CARNS1: variants seen among roughly 807,000 people sequenced by gnomAD.
CARNS1 encodes the protein carnosine synthase 1, also known as ATP-grasp domain containing 1.
A neutral mutation model predicts 74.0 loss-of-function variants in CARNS1; 61 were observed. The observed-to-expected ratio is 0.82, with a 90% CI of 0.67 to 1.02. The LOEUF (loss-of-function observed/expected upper bound fraction) is 1.02, where lower values mean the gene tolerates loss of function less well. CARNS1 is among the 50% of genes least tolerant of loss of function. CARNS1 has a pLI of 0.00. For missense variants in CARNS1, 1,278 were observed against 1,308.4 expected (o/e 0.98, Z 0.36); for synonymous variants, 568 against 605.5 (o/e 0.94, Z 0.91).
intron 1 of CARNS1, 178 bp from the exon 2 acceptor site, chr11:67,415,998 T>G (rs1590955863): frequency 1.7e-6 from 1 of 593,590 alleles, no homozygotes; most frequent in Non-Finnish European, 3.1e-6. Flanking sequence ...AGCCACTCGG[T>G]CTGGGCAGCA....
At chr11:67,418,696 G>A in intron 4 of CARNS1, 60 bp from the exon 5 acceptor site, 1 of 1,487,104 alleles carries the variant, frequency 6.7e-7, no homozygotes, top group Non-Finnish European at 9.0e-7. Context: ...CGCTACCCGG[G>A]GGCCCGGGCA....
At position 67,416,203 on chromosome 11, in the gene CARNS1, G is replaced by C. The variant is rs1276465982; in HGVS notation, c.3+1G>C. Reference sequence around the variant, plus strand: ...TCTCAGCCACTCCACCCACGAGATGGTGAGTCTTCTGTGGTCCCTCCCCCA... The same window carrying C: ...TCTCAGCCACTCCACCCACGAGATGCTGAGTCTTCTGTGGTCCCTCCCCCA... On this transcript the variant is annotated splice_donor_variant, in intron 2 of 9. Coordinates refer to ENST00000687366, the MANE Select transcript of CARNS1 (RefSeq NM_001166222.2). LOFTEE classifies it high-confidence loss of function. The C allele has an allele frequency of 6.5e-7, 1 of 1,536,174 alleles. No individual in the cohort carries two copies. The highest frequency in any genetic ancestry group is 2.4e-5 in the East Asian group (1 of 40,924).
rs1286089804 is a variant in CARNS1, at chr11:67,417,519, C to G, written c.116C>G (p.Pro39Arg). ...GSGLPPTGCF[P>R]GSWRQDVGLD... ...GGCCTGCCGCCCACAGGCTGCTTCC[C>G]TGGCTCCTGGCGCCAGGACGTGGGC... The change falls in exon 3 of 10, where the codon CCT becomes CGT. Residue 39 changes from proline to arginine, a missense_variant. This residue lies in a region of CARNS1 where 104 missense variants were observed against 127.3 expected (regional missense o/e 0.82). Coordinates refer to ENST00000687366, the MANE Select transcript of CARNS1 (RefSeq NM_001166222.2). The G allele has an allele frequency of 7.0e-6, 10 of 1,425,320 alleles. No homozygotes were observed. Among genetic ancestry groups the G allele is most frequent in the Non-Finnish European group, 9.1e-6 (10 of 1,093,034 alleles). The allele number at this position is 1,425,320 out of a possible 1,614,324, so 88.3% of individuals were successfully genotyped here. A position where few individuals can be genotyped will look rare whatever the true frequency, so the allele number is the denominator to read the frequency against.
At position 67,418,529 on chromosome 11, in the gene CARNS1, A is replaced by C; in HGVS notation, c.364+9A>C. ...TGGGGTCCAGAGCCCGGGTGAGTGT[A>C]TGCTCAAGTTTCCCCATCCCCTTCT... On this transcript the variant is annotated intron_variant, in intron 4 of 9. Transcript: ENST00000687366. 1 of 1,527,014 alleles carries C rather than the reference A, an allele frequency of 6.5e-7. No individual in the cohort carries two copies. Among genetic ancestry groups the C allele is most frequent in the African/African-American group, 1.4e-5 (1 of 72,528 alleles). 94.6% of individuals were successfully genotyped at this position (1,527,014 alleles called of 1,614,324 possible). A position where few individuals can be genotyped will look rare whatever the true frequency, so the allele number is the denominator to read the frequency against.
chr11:67,420,990 TG>T lies in CARNS1; in HGVS notation c.1399del (p.Glu467SerfsTer2). The T allele has an allele frequency of 7.0e-7, 1 of 1,424,934 alleles. No individual in the cohort carries two copies. Among genetic ancestry groups the T allele is most frequent in the South Asian group, 1.4e-5 (1 of 72,400 alleles). The allele number at this position is 1,424,934 out of a possible 1,614,324, so 88.3% of individuals were successfully genotyped here. On this transcript the variant is annotated frameshift_variant, in exon 9 of 10. Coordinates refer to ENST00000687366, the MANE Select transcript of CARNS1 (RefSeq NM_001166222.2). LOFTEE classifies it high-confidence loss of function. Reference protein sequence around the residue: ...AAGGVLTPVALELNGGLCLEA... With the variant: ...AAGGVLTPVAXELNGGLCLEA... ...GGCGGCGTGCTGACCCCAGTGGCCC[TG>T]GAGCTGAACGGCGGCCTGTGTCTGG...
Position 67,424,227 on chromosome 11 carries a change from C to T in CARNS1, c.2479C>T (p.Leu827=), listed in dbSNP as rs2135101641. 2 of 1,613,726 alleles carry T rather than the reference C, an allele frequency of 1.2e-6. No individual in the cohort carries two copies. The highest frequency in any genetic ancestry group is 1.6e-4 in the Middle Eastern group (1 of 6,062). The change falls in exon 10 of 10, where the codon CTG becomes TTG. Residue 827 remains leucine (L), a synonymous_variant. Coordinates refer to ENST00000687366, the MANE Select transcript of CARNS1 (RefSeq NM_001166222.2). ...MGGFYLRDWI[L]ELYGVDLLLA... is the part of the protein sequence containing the mutation. ...TGGCTTCTACCTGCGTGATTGGATC[C>T]TGGAGCTCTATGGTGTTGACCTGCT...
intron 9 of CARNS1, among the ~76,000 whole-genome samples, chr11:67,422,001 G>T (rs1319150949): frequency 1.3e-5 from 2 of 151,370 alleles, no homozygotes; most frequent in African/African-American, 4.9e-5. Context: ...CCTGCCTCAG[G>T]CTCCCGAGTA....
At position 67,417,463 on chromosome 11, in the gene CARNS1, G is replaced by A; in HGVS notation, c.60G>A (p.Leu20=). ...ATTGCCCACTGGGCTCCAAGGACCT[G>A]GAGGAAGAGGGCCCCTGGGGAGGGG... ...EWDCPLGSKD[L]EEEGPWGGGS... is the part of the protein sequence containing the mutation. Residue 20 remains leucine, a synonymous_variant, in exon 3 of 10, where the codon CTG becomes CTA. Coordinates refer to ENST00000687366, the MANE Select transcript of CARNS1 (RefSeq NM_001166222.2). 6.9e-7 allele frequency: 1 copy of A among 1,448,102 alleles called. No individual in the cohort carries two copies. Among genetic ancestry groups the A allele is most frequent in the Non-Finnish European group, 9.1e-7 (1 of 1,103,260 alleles). 89.7% of individuals were successfully genotyped at this position (1,448,102 alleles called of 1,614,324 possible).
Position 67,419,269 on chromosome 11 carries a change from G to A in CARNS1, c.852+26G>A, listed in dbSNP as rs1251368622. The A allele has an allele frequency of 2.0e-6, 3 of 1,472,702 alleles. No individual in the cohort carries two copies. The South Asian group carries it at 4.1e-5, about 20-fold the overall frequency. The allele number at this position is 1,472,702 out of a possible 1,614,324, so 91.2% of individuals were successfully genotyped here. A position where few individuals can be genotyped will look rare whatever the true frequency, so the allele number is the denominator to read the frequency against. ...GTAACAGACTCTCGCCCACCCTGAGGTCTGTACAGATGCCAGCAGGATGGG... is the reference window on the plus strand; with the variant it reads ...GTAACAGACTCTCGCCCACCCTGAGATCTGTACAGATGCCAGCAGGATGGG... On this transcript the variant is annotated intron_variant, in intron 5 of 9. Transcript: ENST00000687366.
intron 7 of CARNS1, 56 bp from the exon 8 acceptor site, chr11:67,420,553 G>C: frequency 9.0e-7 from 1 of 1,106,890 alleles, no homozygotes; most frequent in Non-Finnish European, 1.1e-6. Flanking sequence ...GGCGGTGGGG[G>C]TGTGCGTGGG....
At chr11:67,420,545 C>T (rs992376547) in intron 7 of CARNS1, 64 bp from the exon 8 acceptor site, 7 of 1,056,626 alleles carry the variant, frequency 6.6e-6, no homozygotes, top group Admixed American at 8.6e-5. Flanking sequence ...TGGCACAAGG[C>T]GGTGGGGGTG....
rs908681860 is a variant in CARNS1, at chr11:67,417,433, G to A, written c.30G>A (p.Glu10=). 8.5e-6 allele frequency: 12 copies of A among 1,405,178 alleles called. No individual in the cohort carries two copies. The highest frequency in any genetic ancestry group is 1.1e-5 in the Non-Finnish European group (12 of 1,080,054). The allele number at this position is 1,405,178 out of a possible 1,614,324, so 87.0% of individuals were successfully genotyped here. Residue 10 remains glutamate (E), a synonymous_variant, in exon 3 of 10, where the codon GAG becomes GAA. Coordinates refer to ENST00000687366, the MANE Select transcript of CARNS1 (RefSeq NM_001166222.2). ...TCTCCCTGGATCCATCGGGTCCCGA[G>A]TGGGATTGCCCACTGGGCTCCAAGG... MLSLDPSGP[E]WDCPLGSKDL... is the part of the protein sequence containing the mutation.
Position 67,421,098 on chromosome 11 carries a change from T to C in CARNS1, c.1505T>C (p.Val502Ala). 1 of 1,434,282 alleles carries C rather than the reference T, an allele frequency of 7.0e-7. No individual in the cohort carries two copies. Among genetic ancestry groups the C allele is most frequent in the Non-Finnish European group, 9.1e-7 (1 of 1,101,000 alleles). The allele number at this position is 1,434,282 out of a possible 1,614,324, so 88.8% of individuals were successfully genotyped here. Residue 502 changes from valine to alanine, a missense_variant, in exon 9 of 10, where the codon GTG (valine) becomes GCG (alanine). This residue lies in a region of CARNS1 where 1,164 missense variants were observed against 1,156.5 expected (regional missense o/e 1.01). Coordinates refer to ENST00000687366, the MANE Select transcript of CARNS1 (RefSeq NM_001166222.2). ...AADEAVAAPL[V>A]ETMLRRSARC... The stretch of plus-strand genomic sequence containing the variant: ...GACGAGGCGGTGGCGGCGCCGCTGG[T>C]GGAGACCATGCTTCGGCGGTCGGCG...
At position 67,417,785 on chromosome 11, in the gene CARNS1, G is replaced by A. The variant is rs551197023; in HGVS notation, c.274+108G>A. On this transcript the variant is annotated intron_variant, in intron 3 of 9. Transcript: ENST00000687366. The stretch of plus-strand genomic sequence containing the variant: ...GGTCGGCCCCTTCCCCTAGGCTCTG[G>A]TTCCATCTGAAGGCAGGGAAGGCAC... The A allele has an allele frequency of 3.7e-6, 3 of 815,212 alleles. No individual in the cohort carries two copies. In the Admixed American group the frequency reaches 1.3e-4, roughly 35 times the overall value. 50.5% of individuals were successfully genotyped at this position (815,212 alleles called of 1,614,324 possible).
chr11:67,415,921 C>A (rs1488323031), intron 1 of CARNS1, among the ~76,000 whole-genome samples, 158 bp downstream of exon 1: 1 of 151,982 alleles, frequency 6.6e-6, no homozygotes. Flanking sequence ...CTCCCCCCCG[C>A]GCTGGAGGGG....
Position 67,419,838 on chromosome 11 carries a change from G to A in CARNS1, c.1113G>A (p.Lys371=), listed in dbSNP as rs1863649527. ...RTQGDRPLLS[K]VVCGVGRGDR... The stretch of plus-strand genomic sequence containing the variant: ...AGGGTGATAGGCCACTGCTGAGCAA[G>A]GTGAGCGTGGCCCAGGCCCAGGCTG... The change falls in exon 7 of 10, where the codon AAG becomes AAA. Residue 371 remains lysine (K), a splice_region_variant and synonymous_variant. Transcript: ENST00000687366. 3 of 1,575,968 alleles carry A rather than the reference G, an allele frequency of 1.9e-6. No homozygotes were observed. The highest frequency in any genetic ancestry group is 1.2e-5 in the South Asian group (1 of 86,042).
At chr11:67,418,546 T>C in intron 4 of CARNS1, 26 bp downstream of exon 4, 1 of 1,523,692 alleles carries the variant, frequency 6.6e-7, no homozygotes, top group Non-Finnish European at 8.8e-7. Flanking sequence ...AGTTTCCCCA[T>C]CCCCTTCTAC....
intron 5 of CARNS1, 70 bp from the exon 6 acceptor site, chr11:67,419,417 T>G: frequency 6.4e-7 from 1 of 1,564,556 alleles, no homozygotes; most frequent in Non-Finnish European, 8.7e-7. Flanking sequence ...CCGGCTCCTG[T>G]GGCGGAAGTG....
intron 9 of CARNS1, among the ~76,000 whole-genome samples, chr11:67,421,945 T>C (rs1863716565): frequency 1.3e-5 from 2 of 151,418 alleles, no homozygotes. Context: ...CTGGGTGCAG[T>C]GGCGTGATCT....
Sources: allele counts gnomAD v4.1 joint callset (sites outside exome capture counted in the v4.1 genomes callset), GRCh38; gene constraint gnomAD v4.1.1; regional missense constraint gnomAD v4.1.1; transcripts MANE v1.5; gene names NCBI Gene and HGNC (gene_info 2026-07-23, HGNC 2026-07-21).